LRRTM4: variants seen among roughly 807,000 people sequenced by gnomAD.
LRRTM4 encodes leucine rich repeat transmembrane neuronal 4.
Under a neutral mutation model 47.6 loss-of-function variants are expected in LRRTM4, and 25 were observed. That is an observed-to-expected ratio of 0.53 (90% CI 0.38 to 0.73). LRRTM4 has a LOEUF of 0.73. Ranked by LOEUF, LRRTM4 falls within the 30% of genes least tolerant of loss-of-function variation. The pLI, the probability that LRRTM4 is intolerant of heterozygous loss-of-function variation, is 0.00. For synonymous variants in LRRTM4, 311 were observed against 269.5 expected (o/e 1.15, Z -1.51); for missense variants, 638 against 713.4 (o/e 0.89, Z 1.20).
intron 3 of LRRTM4, among the ~76,000 whole-genome samples, chr2:77,011,061 C>A (rs1039829121): frequency 1.3e-5 from 2 of 151,940 alleles, no homozygotes; most frequent in African/African-American, 4.8e-5. Context: ...CTATGAGTAG[C>A]CCACAAGAGC....
At chr2:77,306,864 C>T (rs1677287032) in intron 3 of LRRTM4, among the ~76,000 whole-genome samples, 1 of 147,726 alleles carries the variant, frequency 6.8e-6, no homozygotes, top group South Asian at 2.2e-4. Flanking sequence ...ATTTCATATA[C>T]TTTTCTAAAA....
intron 3 of LRRTM4, among the ~76,000 whole-genome samples, chr2:76,925,123 C>T (rs1350484438): frequency 6.6e-6 from 1 of 152,120 alleles, no homozygotes; most frequent in Non-Finnish European, 1.5e-5. Context: ...AGTTCCTTTA[C>T]CAGCTGGCTT....
At chr2:76,931,846 G>A (rs867034002) in intron 3 of LRRTM4, among the ~76,000 whole-genome samples, 3 of 152,050 alleles carry the variant, frequency 2.0e-5, no homozygotes, top group Admixed American at 6.6e-5. Context: ...GAAGGGAGTC[G>A]TGATTAATTA....
intron 3 of LRRTM4, among the ~76,000 whole-genome samples, chr2:77,015,199 A>G (rs1433971254): frequency 6.6e-6 from 1 of 152,150 alleles, no homozygotes; most frequent in Non-Finnish European, 1.5e-5. Flanking sequence ...GGCCTACCCT[A>G]GAGATTTCAG....
At chr2:76,752,351 A>T (rs974789006) in intron 3 of LRRTM4, among the ~76,000 whole-genome samples, 1 of 152,200 alleles carries the variant, frequency 6.6e-6, no homozygotes, top group African/African-American at 2.4e-5. Flanking sequence ...TTAAAAGTCA[A>T]GGGACCTGCA....
intron 3 of LRRTM4, among the ~76,000 whole-genome samples, chr2:77,007,274 T>A (rs551308022): frequency 2.6e-5 from 4 of 152,146 alleles, no homozygotes; most frequent in Non-Finnish European, 5.9e-5. Flanking sequence ...CAGAGGATTG[T>A]GAGTAAAAAG....
intron 3 of LRRTM4, among the ~76,000 whole-genome samples, chr2:76,786,204 A>G (rs954334802): frequency 6.6e-6 from 1 of 152,154 alleles, no homozygotes; most frequent in African/African-American, 2.4e-5. Flanking sequence ...TCTCTAGCCT[A>G]TCTTCCCAAA....
At chr2:76,876,162 GAAGT>G (rs1001380400) in intron 3 of LRRTM4, among the ~76,000 whole-genome samples, 12 of 151,794 alleles carry the variant, frequency 7.9e-5, no homozygotes, top group African/African-American at 2.9e-4. Flanking sequence ...AGAAAAAAAA[GAAGT>G]TTTTTAAGAG....
chr2:76,952,912 C>A (rs1675543807), intron 3 of LRRTM4, among the ~76,000 whole-genome samples: 1 of 151,720 alleles, frequency 6.6e-6, no homozygotes, highest in African/African-American at 2.4e-5. Flanking sequence ...GACCATAATC[C>A]TGAATATATT....
intron 3 of LRRTM4, among the ~76,000 whole-genome samples, chr2:77,153,458 A>G (rs1335007425): frequency 1.3e-5 from 2 of 152,254 alleles, no homozygotes; most frequent in African/African-American, 2.4e-5. Flanking sequence ...AATGCAAAAA[A>G]TAAAGTGAGT....
intron 3 of LRRTM4, among the ~76,000 whole-genome samples, chr2:77,136,421 C>G (rs376449784): frequency 3.3e-5 from 5 of 152,310 alleles, no homozygotes; most frequent in African/African-American, 1.2e-4. Context: ...AGGGTCATGA[C>G]TGTTAGAAGG....
chr2:77,043,463 G>A (rs969602778), intron 3 of LRRTM4, among the ~76,000 whole-genome samples: 2 of 151,698 alleles, frequency 1.3e-5, no homozygotes, highest in Admixed American at 6.6e-5. Context: ...TTCCCTGAAG[G>A]GATTTCCTGT....
At chr2:77,082,319 T>G (rs999247376) in intron 3 of LRRTM4, among the ~76,000 whole-genome samples, 48 of 152,244 alleles carry the variant, frequency 3.2e-4, no homozygotes, top group South Asian at 2.1e-4. Flanking sequence ...TCTTGGACAC[T>G]TATGATGTGT....
At chr2:77,364,129 C>CAAA (rs759185066) in intron 3 of LRRTM4, among the ~76,000 whole-genome samples, 100 of 108,386 alleles carry the variant, frequency 9.2e-4, no homozygotes, top group East Asian at 4.9e-3. Flanking sequence ...TGGATGACTA[C>CAAA]AAAAAAAAAA....
chr2:77,175,385 C>G (rs891179280), intron 3 of LRRTM4, among the ~76,000 whole-genome samples: 6 of 152,194 alleles, frequency 3.9e-5, no homozygotes, highest in South Asian at 2.1e-4. Flanking sequence ...GCTACCCTGA[C>G]GCACCATAAT....
chr2:77,477,366 G>C (rs575035977), intron 3 of LRRTM4, among the ~76,000 whole-genome samples: 1 of 152,170 alleles, frequency 6.6e-6, no homozygotes, highest in African/African-American at 2.4e-5. Flanking sequence ...GAAATTCTGA[G>C]GTGAAATTTG....
At chr2:76,956,013 A>G (rs1203012994) in intron 3 of LRRTM4, among the ~76,000 whole-genome samples, 1 of 151,782 alleles carries the variant, frequency 6.6e-6, no homozygotes, top group African/African-American at 2.4e-5. Flanking sequence ...CCACTTAAAA[A>G]AAAAAGCCTA....
intron 3 of LRRTM4, among the ~76,000 whole-genome samples, chr2:77,238,805 A>G (rs1044645823): frequency 6.6e-6 from 1 of 152,010 alleles, no homozygotes; most frequent in Non-Finnish European, 1.5e-5. Context: ...TGGCATTATT[A>G]AAGTATTGAA....
intron 3 of LRRTM4, among the ~76,000 whole-genome samples, chr2:77,352,305 G>T (rs573078979): frequency 1.3e-5 from 2 of 152,246 alleles, no homozygotes; most frequent in Non-Finnish European, 1.5e-5. Context: ...TAACCCATCA[G>T]ATGGCCAGAG....
Sources: allele counts gnomAD v4.1 joint callset (sites outside exome capture counted in the v4.1 genomes callset), GRCh38; gene constraint gnomAD v4.1.1; transcripts MANE v1.5; gene names NCBI Gene and HGNC (gene_info 2026-07-23, HGNC 2026-07-21).